The following UBR4 variants were observed in gnomAD, a reference collection of about 807,000 sequenced individuals.
UBR4 encodes E3 ubiquitin-protein ligase UBR4.
A neutral mutation model predicts 575.6 loss-of-function variants in UBR4; 124 were observed. The ratio of observed to expected loss-of-function variants is 0.22; its 90% CI spans 0.19 to 0.25. The LOEUF is 0.25. Ranked by LOEUF, UBR4 falls within the 10% of genes least tolerant of loss-of-function variation. The pLI, the probability that UBR4 is intolerant of heterozygous loss-of-function variation, is 1.00. For synonymous variants in UBR4, 2,455 were observed against 2,473.7 expected, an observed-to-expected ratio of 0.99 and a Z score of 0.22; for missense variants, 4,818 against 6,478.8, an observed-to-expected ratio of 0.74 and a Z score of 8.80.
intron 66 of UBR4, 33 bp downstream of exon 66, chr1:19,122,800 C>A (rs761831730): frequency 1.3e-5 from 21 of 1,612,858 alleles, no homozygotes; most frequent in Admixed American, 5.0e-5. Context: ...TCACATCCCC[C>A]CTCCCTGCCC....
Position 19,168,158 on chromosome 1 carries a change from G to T in UBR4, c.3768C>A (p.Ile1256=), listed in dbSNP as rs759003989. 1.3e-6 allele frequency: 2 copies of T among 1,592,310 alleles called. No homozygotes were observed. The highest frequency in any genetic ancestry group is 1.7e-6 in the Non-Finnish European group (2 of 1,164,576). The change falls in exon 28 of 106, where the codon ATC becomes ATA. Residue 1256 remains isoleucine, a synonymous_variant. Transcript: ENST00000375254. The part of the protein sequence containing the change: ...SWRNAFANDT[I]PSESYISAVQ... ...CTGCACTAATATAACTCTCTGAAGG[G>T]ATGGTGTCATTGGCAAAGGCATTGC...
chr1:19,153,569 G>C lies in UBR4; in HGVS notation c.6631-67C>G. The C allele has an allele frequency of 6.3e-7, 1 of 1,586,458 alleles. No individual in the cohort carries two copies. Among genetic ancestry groups the C allele is most frequent in the South Asian group, 1.1e-5 (1 of 89,474 alleles). ...ACAGATCAGCATCCTCACAGAAAAAGAGGCAGAGATGCAACTGGTTTCATG... is the reference window on the plus strand; with the variant it reads ...ACAGATCAGCATCCTCACAGAAAAACAGGCAGAGATGCAACTGGTTTCATG... On this transcript the variant is annotated intron_variant, in intron 45 of 105. Coordinates refer to ENST00000375254, the MANE Select transcript of UBR4 (RefSeq NM_020765.3). This position sits in a 1 kb window ranked among gnomAD's most constrained non-coding sequence, Gnocchi z 4.1.
At chr1:19,084,451 AG>A in intron 102 of UBR4, 52 bp downstream of exon 102, 1 of 1,527,564 alleles carries the variant, frequency 6.5e-7, no homozygotes, top group Non-Finnish European at 8.9e-7. Flanking sequence ...TCTCGGGCAG[AG>A]GGATGCAGGG....
Position 19,122,816 on chromosome 1 carries a change from G to C in UBR4, c.9816+17C>G, listed in dbSNP as rs1395826399. 2 of 1,613,978 alleles carry C rather than the reference G, an allele frequency of 1.2e-6. No homozygotes were observed. Among genetic ancestry groups the C allele is most frequent in the Admixed American group, 3.3e-5 (2 of 60,018 alleles). ...CACATCCCCCCTCCCTGCCCTACCAGGTCCCAGCCCTCGTACCAGGCTGAT... is the reference window on the plus strand; with the variant it reads ...CACATCCCCCCTCCCTGCCCTACCACGTCCCAGCCCTCGTACCAGGCTGAT... On this transcript the variant is annotated intron_variant, in intron 66 of 105. Coordinates refer to ENST00000375254, the MANE Select transcript of UBR4 (RefSeq NM_020765.3).
At chr1:19,147,657 C>T (rs962960176) in intron 51 of UBR4, among the ~76,000 whole-genome samples, 2 of 152,236 alleles carry the variant, frequency 1.3e-5, no homozygotes, top group African/African-American at 4.8e-5. Flanking sequence ...GGAGCGAAAA[C>T]ACTAGCAGTC....
chr1:19,192,350 G>A lies in UBR4; in HGVS notation c.1232C>T (p.Ala411Val). The stretch of plus-strand genomic sequence containing the variant: ...GAAAAGGCTGTTTAACAAGCACCAA[G>A]CACCCAGCAATTGGAAATTCTGATA... ...EHYQNFQLLGAWCLLNSLFLI... is the reference protein window; with the variant it reads ...EHYQNFQLLGVWCLLNSLFLI... The change falls in exon 11 of 106, where the codon GCT becomes GTT. Residue 411 changes from alanine (A) to valine (V), a missense_variant. Ala to Val is a moderately conservative substitution (Grantham distance 64). Coordinates refer to ENST00000375254, the MANE Select transcript of UBR4 (RefSeq NM_020765.3). 6.2e-7 allele frequency: 1 copy of A among 1,614,008 alleles called. No homozygotes were observed. Among genetic ancestry groups the A allele is most frequent in the Non-Finnish European group, 8.5e-7 (1 of 1,179,994 alleles).
At chr1:19,076,672 T>A in intron 105 of UBR4, 68 bp downstream of exon 105, 1 of 1,603,024 alleles carries the variant, frequency 6.2e-7, no homozygotes, top group Middle Eastern at 1.7e-4. Flanking sequence ...AAGCTACGGA[T>A]GACCCACGGA....
rs974295279 is a variant in UBR4, at chr1:19,147,899, C to A, written c.7629+94G>T. 4.6e-6 allele frequency: 7 copies of A among 1,527,308 alleles called. No individual in the cohort carries two copies. The South Asian group carries it at 8.7e-5, about 19-fold the overall frequency. 94.6% of individuals were successfully genotyped at this position (1,527,308 alleles called of 1,614,324 possible). On this transcript the variant is annotated intron_variant, in intron 51 of 105. Coordinates refer to ENST00000375254, the MANE Select transcript of UBR4 (RefSeq NM_020765.3). ...TAATCTGAATGCTATCCTCCCTCTA[C>A]CTTACTTTGCTGTGCTGTTGCTTTA...
At chr1:19,074,931 C>G (rs1387491826) in intron 105 of UBR4, 35 bp from the exon 106 acceptor site, 3 of 1,608,836 alleles carry the variant, frequency 1.9e-6, no homozygotes, top group Non-Finnish European at 1.7e-6. Context: ...GTGTCAGGAG[C>G]AGGCATACAG....
chr1:19,126,311 T>A, intron 64 of UBR4, 135 bp downstream of exon 64: 1 of 1,000,518 alleles, frequency 1.0e-6, no homozygotes, highest in South Asian at 1.5e-5. Context: ...ACGCCGAGAT[T>A]AACCCCCACC....
intron 55 of UBR4, among the ~76,000 whole-genome samples, chr1:19,143,270 GAAAGAAAGAAAGAAAGAAAGAAAGA>G (rs2084314363): frequency 1.5e-5 from 1 of 65,190 alleles, no homozygotes; most frequent in Non-Finnish European, 3.4e-5. Flanking sequence ...AAGAAAGAAA[GAAAGAAAGAAAGAAAGAAAGAAAGA>G]AAGAAAGAAA....
At position 19,095,032 on chromosome 1, in the gene UBR4, G is replaced by A. The variant is rs1557548062; in HGVS notation, c.13627-7C>T. 6.2e-7 allele frequency: 1 copy of A among 1,614,052 alleles called. No homozygotes were observed. Among genetic ancestry groups the A allele is most frequent in the African/African-American group, 1.3e-5 (1 of 74,938 alleles). On this transcript the variant is annotated splice_region_variant and splice_polypyrimidine_tract_variant and intron_variant, in intron 93 of 105. Coordinates refer to ENST00000375254, the MANE Select transcript of UBR4 (RefSeq NM_020765.3). ...CTTGTTCAGCTACAAGGGCCTGTAG[G>A]AGAAGGAGACTCAGTCACTCTCAGA...
intron 31 of UBR4, 37 bp from the exon 32 acceptor site, chr1:19,165,034 G>T (rs781395179): frequency 1.2e-6 from 2 of 1,607,806 alleles, no homozygotes; most frequent in South Asian, 1.1e-5. Flanking sequence ...CAGTAAAGAA[G>T]GGCAAGAGGA....
intron 2 of UBR4, among the ~76,000 whole-genome samples, chr1:19,200,043 G>A (rs2092670344): frequency 6.6e-6 from 1 of 152,120 alleles, no homozygotes; most frequent in African/African-American, 2.4e-5. Flanking sequence ...ATTCTATGAG[G>A]CAGATATTCA....
intron 103 of UBR4, 42 bp from the exon 104 acceptor site, chr1:19,078,108 A>T: frequency 6.3e-7 from 1 of 1,597,872 alleles, no homozygotes; most frequent in Non-Finnish European, 8.6e-7. Context: ...AGTCCCTAGG[A>T]GGATACTCAC....
Position 19,087,807 on chromosome 1 carries a change from C to T in UBR4, c.14544+9G>A. 6.2e-7 allele frequency: 1 copy of T among 1,605,030 alleles called. No homozygotes were observed. Among genetic ancestry groups the T allele is most frequent in the Non-Finnish European group, 8.5e-7 (1 of 1,174,824 alleles). On this transcript the variant is annotated intron_variant, in intron 99 of 105. Coordinates refer to ENST00000375254, the MANE Select transcript of UBR4 (RefSeq NM_020765.3). ...CCCTCAGGACCGACCGTAGGCCCAG[C>T]AGCTGTACCTGGAACTTGTATCCCT...
chr1:19,202,269 G>A (rs1312483356), intron 1 of UBR4, among the ~76,000 whole-genome samples: 2 of 152,190 alleles, frequency 1.3e-5, no homozygotes, highest in African/African-American at 4.8e-5. Context: ...TAGGGAAGAA[G>A]CAGAGACTAA....
rs2077215979 is a variant in UBR4 at position 19,088,414 on chromosome 1, C to A, written c.14430+345G>T. 6.6e-6 allele frequency among the ~76,000 whole-genome samples: 1 copy of A among 152,186 alleles called. No homozygotes were observed. Among genetic ancestry groups the A allele is most frequent in the Non-Finnish European group, 1.5e-5 (1 of 68,040 alleles). On this transcript the variant is annotated intron_variant, in intron 98 of 105. Transcript: ENST00000375254. This position sits in a 1 kb window ranked among gnomAD's most constrained non-coding sequence, Gnocchi z 4.0. The stretch of plus-strand genomic sequence containing the variant: ...ACCACTTATTAGTTATGTGCCTTGG[C>A]CTATTTACTTCACCTCTCAGTTTCA...
rs757085363 is a variant in UBR4 at position 19,164,889 on chromosome 1, G to A, written c.4421C>T (p.Ser1474Leu). The change falls in exon 32 of 106, where the codon TCG becomes TTG. Residue 1474 changes from serine (S) to leucine (L), a missense_variant. By Grantham distance (145) the Ser-to-Leu change is moderately radical (BLOSUM62 -2). Transcript: ENST00000375254. ...CAGCTGATCAGAATCTTTTGGGGGC[G>A]ATGTAGTCATGCGGGTGAGCCAGGC... ...LQAWLTRMTT[S>L]PPKDSDQLDV... The A allele has an allele frequency of 6.2e-6, 10 of 1,614,054 alleles. No homozygotes were observed. The highest frequency in any genetic ancestry group is 1.7e-5 in the Admixed American group (1 of 60,004).
Sources: allele counts gnomAD v4.1 joint callset (sites outside exome capture counted in the v4.1 genomes callset), GRCh38; gene constraint gnomAD v4.1.1; non-coding constraint Gnocchi (gnomAD v3.1); transcripts MANE v1.5; gene names NCBI Gene and HGNC (gene_info 2026-07-23, HGNC 2026-07-21).